HNRNPD: variants seen among roughly 807,000 people sequenced by gnomAD.
HNRNPD encodes heterogeneous nuclear ribonucleoprotein D0.
HNRNPD carries 3 observed loss-of-function variants against 47.9 expected under a neutral mutation model. The ratio of observed to expected loss-of-function variants is 0.06; its 90% CI spans 0.03 to 0.16. The LOEUF is 0.16. HNRNPD is among the 10% of genes least tolerant of loss of function. The probability of loss-of-function intolerance (pLI) is 1.00; values close to 1 mark genes in which losing one functional copy is unlikely to be tolerated. For synonymous variants in HNRNPD, 171 were observed against 165.1 expected (o/e 1.04, Z -0.28); for missense variants, 287 against 454.2 (o/e 0.63, Z 3.35).
chr4:82,373,214 G>A (rs1720169252), intron 1 of HNRNPD: 2 of 716,422 alleles, frequency 2.8e-6, no homozygotes, highest in Non-Finnish European at 4.9e-6. Flanking sequence ...GCAGCATGGT[G>A]ACGGCTAAAG....
intron 2 of HNRNPD, among the ~76,000 whole-genome samples, chr4:82,363,670 G>C (rs1719603025): frequency 6.6e-6 from 1 of 152,114 alleles, no homozygotes. Flanking sequence ...TTCATCTACT[G>C]TATTTTATTA....
rs1723731349 is a variant in HNRNPD, at chr4:82,356,812, A to C, written c.837T>G (p.Ala279=). The C allele has an allele frequency of 1.2e-6, 2 of 1,613,888 alleles. No homozygotes were observed. Among genetic ancestry groups the C allele is most frequent in the Non-Finnish European group, 1.7e-6 (2 of 1,179,946 alleles). ...WGSRGGFAGR[A]RGRGGGPSQN... is the part of the protein sequence containing the mutation. ...CTAGCTTACCACCACCTCTTCCACG[A>C]GCTCTTCCTGCAAATCCTCCTCTAG... The change falls in exon 6 of 9, where the codon GCT becomes GCG. Residue 279 remains alanine (A), a synonymous_variant. Coordinates refer to ENST00000313899, the MANE Select transcript of HNRNPD (RefSeq NM_031370.3).
intron 2 of HNRNPD, among the ~76,000 whole-genome samples, chr4:82,366,162 T>G (rs181466594): frequency 1.3e-5 from 2 of 152,340 alleles, no homozygotes; most frequent in Admixed American, 1.3e-4. Context: ...TAAATCTCAT[T>G]ACTTCACACT....
intron 6 of HNRNPD, 23 bp downstream of exon 6, chr4:82,356,773 A>G (rs758026694): frequency 1.1e-5 from 17 of 1,610,740 alleles, no homozygotes; most frequent in Admixed American, 3.3e-5. Context: ...CTTAAGATAG[A>G]GTAAACTTAG....
chr4:82,373,603 G>C lies in HNRNPD; in HGVS notation c.76C>G (p.Gln26Glu), dbSNP rs2110007833. ...GTCGCCGCCACCATGGCTCCCTCCT[G>C]CTCGCCCGCCGAGCCGCCTACCGCC... ...TAAVGGSAGEQEGAMVAATQG... is the reference protein window; with the variant it reads ...TAAVGGSAGEEEGAMVAATQG... The change falls in exon 1 of 9, where the codon CAG (glutamine) becomes GAG (glutamate). Residue 26 changes from glutamine (Q) to glutamate (E), a missense_variant. Transcript: ENST00000313899. 1 of 1,528,600 alleles carries C rather than the reference G, an allele frequency of 6.5e-7. No homozygotes were observed. Among genetic ancestry groups the C allele is most frequent in the East Asian group, 2.5e-5 (1 of 39,656 alleles). The allele number at this position is 1,528,600 out of a possible 1,614,324, so 94.7% of individuals were successfully genotyped here.
At chr4:82,373,250 G>A in intron 1 of HNRNPD, 196 bp downstream of exon 1, 2 of 764,104 alleles carry the variant, frequency 2.6e-6, no homozygotes, top group Non-Finnish European at 4.4e-6. Flanking sequence ...ATGGGGGAGG[G>A]GGGCGATAAG....
intron 7 of HNRNPD, 30 bp downstream of exon 7, chr4:82,356,507 A>C (rs1445686928): frequency 6.5e-7 from 1 of 1,534,230 alleles, no homozygotes; most frequent in Non-Finnish European, 9.0e-7. Context: ...AATGTCAAAT[A>C]GCAGTTAATA....
intron 2 of HNRNPD, among the ~76,000 whole-genome samples, chr4:82,366,255 T>G (rs1428778792): frequency 6.6e-6 from 1 of 152,148 alleles, no homozygotes; most frequent in African/African-American, 2.4e-5. Flanking sequence ...ACAGTTTTTT[T>G]GGGAGGGGGA....
In HNRNPD at chr4:82,352,765, G is replaced by A. The variant is rs1723549196; in HGVS notation, c.*1420C>T. 6.7e-6 allele frequency: 1 copy of A among 150,210 alleles called. No individual in the cohort carries two copies. Among genetic ancestry groups the A allele is most frequent in the Non-Finnish European group, 1.5e-5 (1 of 67,776 alleles). 9.3% of individuals were successfully genotyped at this position (150,210 alleles called of 1,614,324 possible). On this transcript the variant is annotated 3_prime_UTR_variant, in exon 9 of 9. Transcript: ENST00000313899. ...GCTGGGTTGCAATCTTATAAAAACA[G>A]GACACAGGTCCTCAATTTGGATCTA...
chr4:82,352,788 CT>C lies in HNRNPD; in HGVS notation c.*1396del. The C allele has an allele frequency of 1.0e-5, 1 of 99,940 alleles. No individual in the cohort carries two copies. Among genetic ancestry groups the C allele is most frequent in the African/African-American group, 5.1e-5 (1 of 19,438 alleles). 6.2% of individuals were successfully genotyped at this position (99,940 alleles called of 1,614,324 possible). The stretch of plus-strand genomic sequence containing the variant: ...CAGGACACAGGTCCTCAATTTGGAT[CT>C]ATCATAAAAAAACTTTAATAACACT... On this transcript the variant is annotated 3_prime_UTR_variant, in exon 9 of 9. Transcript: ENST00000313899.
chr4:82,368,102 A>T (rs997304028), intron 2 of HNRNPD, among the ~76,000 whole-genome samples: 3 of 152,196 alleles, frequency 2.0e-5, no homozygotes, highest in African/African-American at 7.2e-5. Context: ...CCATTTGTAA[A>T]TGTGCACACA....
rs2109985527 is a variant in HNRNPD, at chr4:82,352,626, C to T, written c.*1559G>A. ...TTTGACCATGAGTCAGCAAACTTTT[C>T]TGTAAAGGGCCAGACTGTAAATTAT... On this transcript the variant is annotated 3_prime_UTR_variant, in exon 9 of 9. Transcript: ENST00000313899. The T allele has an allele frequency of 6.6e-6, 1 of 152,312 alleles. No homozygotes were observed. Among genetic ancestry groups the T allele is most frequent in the Middle Eastern group, 3.4e-3 (1 of 294 alleles). The allele number at this position is 152,312 out of a possible 1,614,324, so 9.4% of individuals were successfully genotyped here. A position where few individuals can be genotyped will look rare whatever the true frequency, so the allele number is the denominator to read the frequency against.
intron 2 of HNRNPD, among the ~76,000 whole-genome samples, chr4:82,364,409 C>T (rs948038875): frequency 1.1e-4 from 17 of 152,196 alleles, no homozygotes; most frequent in African/African-American, 3.4e-4. Context: ...AATAGTCTGA[C>T]ACACATCCTA....
chr4:82,373,939 T>C lies in HNRNPD; in HGVS notation c.-261A>G. On this transcript the variant is annotated 5_prime_UTR_variant, in exon 1 of 9. Coordinates refer to ENST00000313899, the MANE Select transcript of HNRNPD (RefSeq NM_031370.3). ...GAATAAGCACCAGCGGCGGCCGCTC[T>C]CGCCTCCTCCTCGCTTTAATGGCGC... is the stretch of plus-strand genomic sequence containing the variant. The C allele has an allele frequency of 1.3e-6, 1 of 788,516 alleles. No homozygotes were observed. The highest frequency in any genetic ancestry group is 1.8e-5 in the African/African-American group (1 of 54,232). 48.8% of individuals were successfully genotyped at this position (788,516 alleles called of 1,614,324 possible). A position where few individuals can be genotyped will look rare whatever the true frequency, so the allele number is the denominator to read the frequency against.
intron 8 of HNRNPD, chr4:82,354,541 A>G (rs1723637097): frequency 6.5e-6 from 1 of 152,678 alleles, no homozygotes; most frequent in African/African-American, 2.4e-5. Context: ...ATATACGACT[A>G]AAAGAAAAAG....
rs142944324 is a variant in HNRNPD at position 82,366,815 on chromosome 4, C to T, written c.290+4713G>A. On this transcript the variant is annotated intron_variant, in intron 2 of 8. Transcript: ENST00000313899. ...ACCTTAGGTGATCCACCCATCTTGG[C>T]CTCCCAAAGTGCTGAGATTACAGGT... 4.2e-3 allele frequency among the ~76,000 whole-genome samples: 644 copies of T among 152,250 alleles called. 4 individuals carry two copies. The highest frequency in any genetic ancestry group is 0.015 in the African/African-American group (611 of 41,542).
Position 82,371,561 on chromosome 4 carries a change from T to A in HNRNPD, c.257A>T (p.His86Leu). ...DEGHSNSSPR[H>L]SEAATAQREE... ...CCGCTGTGCCGTCGCTGCTTCAGAG[T>A]GTCGTGGGGAGGAGTTTGAATGGCT... Residue 86 changes from histidine to leucine, a missense_variant, in exon 2 of 9, where the codon CAC (histidine) becomes CTC (leucine). Coordinates refer to ENST00000313899, the MANE Select transcript of HNRNPD (RefSeq NM_031370.3). 6.2e-7 allele frequency: 1 copy of A among 1,613,276 alleles called. No homozygotes were observed. Among genetic ancestry groups the A allele is most frequent in the African/African-American group, 1.3e-5 (1 of 74,972 alleles).
chr4:82,368,909 G>A (rs998293508), intron 2 of HNRNPD, among the ~76,000 whole-genome samples: 1 of 152,156 alleles, frequency 6.6e-6, no homozygotes. Flanking sequence ...TCCCAAATGG[G>A]AAGAATCACA....
chr4:82,353,295 T>C lies in HNRNPD; in HGVS notation c.*890A>G, dbSNP rs941545422. 2.0e-5 allele frequency: 3 copies of C among 151,950 alleles called. No individual in the cohort carries two copies. The highest frequency in any genetic ancestry group is 4.4e-5 in the Non-Finnish European group (3 of 67,960). 9.4% of individuals were successfully genotyped at this position (151,950 alleles called of 1,614,324 possible). ...AATAAAACCTTTGAGAAATGGAAAA[T>C]AAAATCATTCAAACAAATAAGCACA... On this transcript the variant is annotated 3_prime_UTR_variant, in exon 9 of 9. Coordinates refer to ENST00000313899, the MANE Select transcript of HNRNPD (RefSeq NM_031370.3).
Sources: gnomAD v4.1 joint callset for allele counts (sites outside exome capture counted in the v4.1 genomes callset) on GRCh38, gnomAD v4.1.1 for gene constraint, MANE v1.5 for transcripts, NCBI Gene and HGNC (gene_info 2026-07-23, HGNC 2026-07-21) for gene names.